RORA: variants seen among roughly 807,000 people sequenced by gnomAD.
RORA encodes the protein nuclear receptor ROR-alpha.
RORA carries 7 observed loss-of-function variants against 69.5 expected under a neutral mutation model. The ratio of observed to expected loss-of-function variants is 0.10; its 90% CI spans 0.06 to 0.19. The LOEUF is 0.19. Ranked by LOEUF, RORA falls within the 10% of genes least tolerant of loss-of-function variation. The probability of loss-of-function intolerance (pLI) is 1.00; values close to 1 mark genes in which losing one functional copy is unlikely to be tolerated. For synonymous variants in RORA, 261 were observed against 240.8 expected, an observed-to-expected ratio of 1.08 and a Z score of -0.78; for missense variants, 457 against 663.0, an observed-to-expected ratio of 0.69 and a Z score of 3.41.
intron 2 of RORA, among the ~76,000 whole-genome samples, chr15:60,533,943 C>CTT (rs1339211857): frequency 1.3e-5 from 2 of 152,218 alleles, no homozygotes; most frequent in African/African-American, 4.8e-5. Context: ...TGACGCTAAA[C>CTT]TTGGGCCTTT....
intron 1 of RORA, among the ~76,000 whole-genome samples, chr15:61,102,538 C>A (rs547056350): frequency 6.6e-6 from 1 of 152,288 alleles, no homozygotes; most frequent in South Asian, 2.1e-4. Flanking sequence ...TTAAAACATC[C>A]TTTGATATCC....
intron 1 of RORA, among the ~76,000 whole-genome samples, chr15:61,156,814 G>A (rs1430163307): frequency 1.3e-5 from 2 of 152,156 alleles, no homozygotes; most frequent in African/African-American, 4.8e-5. Flanking sequence ...ACTTAGTACT[G>A]GCCCATATCA....
At chr15:60,720,493 TG>T (rs1256587063) in intron 1 of RORA, among the ~76,000 whole-genome samples, 3 of 152,206 alleles carry the variant, frequency 2.0e-5, no homozygotes, top group African/African-American at 4.8e-5. Context: ...TCCTCATTGG[TG>T]GCTACTTCCA....
intron 1 of RORA, among the ~76,000 whole-genome samples, chr15:60,740,232 C>T (rs1300781058): frequency 6.6e-6 from 1 of 152,086 alleles, no homozygotes; most frequent in Non-Finnish European, 1.5e-5. Context: ...ACCCCAACAA[C>T]GTGTGGGCTA....
At chr15:60,650,776 T>C (rs2070131313) in intron 2 of RORA, 1 of 152,228 alleles carries the variant, frequency 6.6e-6, no homozygotes, top group South Asian at 2.1e-4. Context: ...AAGGAGGAAC[T>C]ATGCCAACCC....
At chr15:61,042,454 C>T (rs550961083) in intron 1 of RORA, among the ~76,000 whole-genome samples, 1 of 152,170 alleles carries the variant, frequency 6.6e-6, no homozygotes, top group Non-Finnish European at 1.5e-5. Context: ...CATTCTGATA[C>T]TACCCGCTGG....
chr15:61,079,277 T>C (rs901263048), intron 1 of RORA, among the ~76,000 whole-genome samples: 3 of 152,214 alleles, frequency 2.0e-5, no homozygotes, highest in Admixed American at 2.0e-4. Context: ...ACTTACTATT[T>C]AAAAAATGGA....
chr15:60,625,904 A>T (rs339985), intron 2 of RORA, among the ~76,000 whole-genome samples: 79,461 of 152,104 alleles, frequency 0.52, 21,288 homozygotes, highest in African/African-American at 0.65. Context: ...AGAAAACAAA[A>T]TAATGCTAAT....
chr15:60,511,673 T>TTC lies in RORA; in HGVS notation c.425-54_425-53dup. On this transcript the variant is annotated intron_variant, in intron 4 of 10. Transcript: ENST00000335670. The surrounding 1 kb of genome is among the most constrained non-coding windows in gnomAD (Gnocchi z 6.4). The stretch of plus-strand genomic sequence containing the variant: ...ACATACAATGCGCTTTTCTTCAATA[T>TTC]TCTCTCCTGCGAGCTTTGGGGTTTC... The TTC allele has an allele frequency of 6.6e-7, 1 of 1,521,542 alleles. No individual in the cohort carries two copies. Among genetic ancestry groups the TTC allele is most frequent in the Non-Finnish European group, 8.8e-7 (1 of 1,135,718 alleles). The allele number at this position is 1,521,542 out of a possible 1,614,324, so 94.3% of individuals were successfully genotyped here. A position where few individuals can be genotyped will look rare whatever the true frequency, so the allele number is the denominator to read the frequency against.
intron 1 of RORA, among the ~76,000 whole-genome samples, chr15:60,891,714 G>T (rs1468450876): frequency 6.6e-6 from 1 of 152,174 alleles, no homozygotes; most frequent in Non-Finnish European, 1.5e-5. Context: ...TATTCTGCAC[G>T]TGACTCCTTT....
intron 1 of RORA, among the ~76,000 whole-genome samples, chr15:61,008,170 G>T (rs1566941586): frequency 1.3e-5 from 2 of 150,846 alleles, no homozygotes; most frequent in Non-Finnish European, 2.9e-5. Context: ...TAAACATGTG[G>T]AGGTATAAAG....
intron 1 of RORA, among the ~76,000 whole-genome samples, chr15:61,165,661 G>A (rs772226721): frequency 6.6e-6 from 1 of 152,158 alleles, no homozygotes; most frequent in Non-Finnish European, 1.5e-5. Flanking sequence ...TCACTTGAGA[G>A]TGGAAACACA....
intron 2 of RORA, among the ~76,000 whole-genome samples, chr15:60,535,828 TCTCA>T (rs1348283497): frequency 2.0e-5 from 3 of 152,194 alleles, no homozygotes; most frequent in Non-Finnish European, 2.9e-5. Context: ...ACGCATTATA[TCTCA>T]CTCACTCCTC....
At chr15:60,730,947 T>C (rs1312854147) in intron 1 of RORA, among the ~76,000 whole-genome samples, 9 of 152,162 alleles carry the variant, frequency 5.9e-5, no homozygotes, top group Non-Finnish European at 1.0e-4. Context: ...CCTGGTTTGT[T>C]ACATATGTAA....
intron 1 of RORA, among the ~76,000 whole-genome samples, chr15:60,945,321 G>A (rs1254176842): frequency 1.3e-5 from 2 of 152,134 alleles, no homozygotes; most frequent in Non-Finnish European, 2.9e-5. Context: ...TGATATCTCT[G>A]GGGACAAGGC....
chr15:60,752,642 A>AT (rs2071741593), intron 1 of RORA, among the ~76,000 whole-genome samples: 1 of 111,462 alleles, frequency 9.0e-6, no homozygotes, highest in South Asian at 2.8e-4. Context: ...CCTCGAGTTT[A>AT]TTTAAGTGAC....
intron 2 of RORA, among the ~76,000 whole-genome samples, chr15:60,665,640 A>G (rs552989355): frequency 2.0e-5 from 3 of 152,320 alleles, no homozygotes; most frequent in African/African-American, 7.2e-5. Flanking sequence ...TTTCCAAACT[A>G]TTATAATGCA....
chr15:60,843,759 G>A (rs952117744), intron 1 of RORA, among the ~76,000 whole-genome samples: 3 of 152,292 alleles, frequency 2.0e-5, no homozygotes, highest in Non-Finnish European at 4.4e-5. Context: ...GTCTTGCTGG[G>A]GAAGGCAAAG....
intron 1 of RORA, among the ~76,000 whole-genome samples, chr15:61,206,286 A>G (rs1183594353): frequency 6.6e-6 from 1 of 152,218 alleles, no homozygotes; most frequent in Non-Finnish European, 1.5e-5. Context: ...TCTTATTTCT[A>G]TATCATGGCC....
Sources: gnomAD v4.1 joint callset for allele counts (sites outside exome capture counted in the v4.1 genomes callset) on GRCh38, gnomAD v4.1.1 for gene constraint, Gnocchi (gnomAD v3.1) non-coding constraint, MANE v1.5 for transcripts, NCBI Gene and HGNC (gene_info 2026-07-23, HGNC 2026-07-21) for gene names.